CSMD2: variants seen among roughly 807,000 people sequenced by gnomAD.
The protein encoded by CSMD2 is CUB and Sushi multiple domains 2.
Under a neutral mutation model 398.5 loss-of-function variants are expected in CSMD2, and 130 were observed. That is an observed-to-expected ratio of 0.33 (90% CI 0.28 to 0.38). The LOEUF (loss-of-function observed/expected upper bound fraction) is 0.38, where lower values mean the gene tolerates loss of function less well. Ranked by LOEUF, CSMD2 falls within the 10% of genes least tolerant of loss-of-function variation. The pLI is 1.00. For missense variants in CSMD2, 3,829 were observed against 4,764.9 expected (o/e 0.80, Z 5.78); for synonymous variants, 1,828 against 1,908.5 (o/e 0.96, Z 1.10).
chr1:33,556,978 G>A (rs1186797078), intron 55 of CSMD2, among the ~76,000 whole-genome samples: 1 of 152,048 alleles, frequency 6.6e-6, no homozygotes, highest in Non-Finnish European at 1.5e-5. Flanking sequence ...CCCAGTCTTG[G>A]GCAGTTCTTT....
intron 46 of CSMD2, among the ~76,000 whole-genome samples, chr1:33,585,302 A>G (rs978073428): frequency 6.6e-6 from 1 of 152,104 alleles, no homozygotes; most frequent in Non-Finnish European, 1.5e-5. Context: ...CAGGATTACA[A>G]TTTCAGGTAA....
At chr1:33,535,778 T>A (rs1179834069) in intron 62 of CSMD2, among the ~76,000 whole-genome samples, 3 of 152,184 alleles carry the variant, frequency 2.0e-5, no homozygotes, top group African/African-American at 7.2e-5. Flanking sequence ...TCAGCACTCC[T>A]TTGCACCAGC....
chr1:33,933,747 T>C (rs192236440), intron 4 of CSMD2, among the ~76,000 whole-genome samples: 2 of 152,214 alleles, frequency 1.3e-5, no homozygotes, highest in East Asian at 1.9e-4. Context: ...AAGTCCATCA[T>C]GGAAAGAGGC....
At chr1:33,864,186 A>G (rs1639775603) in intron 5 of CSMD2, 1 of 1,588,556 alleles carries the variant, frequency 6.3e-7, no homozygotes, top group African/African-American at 1.4e-5. Flanking sequence ...AGGTGAACTT[A>G]CGAACATGGG....
At chr1:33,994,397 C>T (rs1285766247) in intron 3 of CSMD2, among the ~76,000 whole-genome samples, 1 of 152,036 alleles carries the variant, frequency 6.6e-6, no homozygotes, top group African/African-American at 2.4e-5. Flanking sequence ...GTGACCACTG[C>T]CTCCCACTAG....
chr1:33,936,607 T>TC (rs1353075120), intron 3 of CSMD2, among the ~76,000 whole-genome samples: 1 of 152,164 alleles, frequency 6.6e-6, no homozygotes, highest in Non-Finnish European at 1.5e-5. Flanking sequence ...GCAATCATGG[T>TC]CACCTGCAAG....
intron 49 of CSMD2, 114 bp downstream of exon 49, chr1:33,577,182 T>C (rs1004784538): frequency 8.1e-6 from 8 of 983,438 alleles, no homozygotes; most frequent in African/African-American, 1.6e-5. Flanking sequence ...GTGGAAAGAA[T>C]GAAATAATTA....
intron 49 of CSMD2, among the ~76,000 whole-genome samples, chr1:33,576,083 G>C (rs534454454): frequency 6.6e-5 from 10 of 152,104 alleles, no homozygotes; most frequent in African/African-American, 2.4e-4. Context: ...AATCAGTATC[G>C]ACAGCTGTCA....
intron 10 of CSMD2, among the ~76,000 whole-genome samples, chr1:33,804,172 G>T (rs537071139): frequency 6.6e-6 from 1 of 152,320 alleles, no homozygotes; most frequent in African/African-American, 2.4e-5. Context: ...CTTGTAATGG[G>T]ACAGGCATAC....
chr1:34,082,547 C>T lies in CSMD2; in HGVS notation c.404+6430G>A, dbSNP rs371286311. 8.5e-5 allele frequency among the ~76,000 whole-genome samples: 13 copies of T among 152,338 alleles called. 1 individual carries two copies. In the East Asian group the frequency reaches 1.5e-3, roughly 18 times the overall value. ...TCTGGGGGGTGGGGGGGCCCCTCTG[C>T]CCGTCCACCACCCCGTCTGGGAGGT... On this transcript the variant is annotated intron_variant, in intron 2 of 70. Transcript: ENST00000373381.
intron 5 of CSMD2, chr1:33,870,382 G>A (rs149360708): frequency 1.4e-4 from 22 of 152,266 alleles, no homozygotes; most frequent in African/African-American, 5.3e-4. Flanking sequence ...TCAAGCAGGA[G>A]ATAAAGCTTG....
intron 2 of CSMD2, among the ~76,000 whole-genome samples, chr1:34,059,657 A>G (rs1654240009): frequency 6.6e-6 from 1 of 152,182 alleles, no homozygotes; most frequent in East Asian, 1.9e-4. Flanking sequence ...AACATATTAT[A>G]TGGTCTCCCT....
At chr1:33,840,613 T>G (rs746212078) in intron 6 of CSMD2, among the ~76,000 whole-genome samples, 3 of 152,214 alleles carry the variant, frequency 2.0e-5, no homozygotes, top group Non-Finnish European at 2.9e-5. Context: ...ACGACTGTTA[T>G]AAGAATATGT....
At chr1:33,637,465 C>G (rs952105568) in intron 29 of CSMD2, among the ~76,000 whole-genome samples, 2 of 152,216 alleles carry the variant, frequency 1.3e-5, no homozygotes, top group African/African-American at 4.8e-5. Flanking sequence ...CTTGAGAGTA[C>G]TAGTCCAAGT....
chr1:34,042,143 T>G (rs1341729895), intron 2 of CSMD2, among the ~76,000 whole-genome samples: 1 of 152,220 alleles, frequency 6.6e-6, no homozygotes, highest in East Asian at 1.9e-4. Context: ...ACCCCATTAC[T>G]GGAGTAAATG....
chr1:34,015,940 C>T (rs895621503), intron 3 of CSMD2, among the ~76,000 whole-genome samples: 3 of 151,788 alleles, frequency 2.0e-5, no homozygotes, highest in African/African-American at 7.3e-5. Context: ...GTATGGCCAG[C>T]CACCAGAAGG....
intron 25 of CSMD2, among the ~76,000 whole-genome samples, chr1:33,688,623 G>A (rs1285054027): frequency 3.9e-5 from 6 of 152,132 alleles, no homozygotes; most frequent in African/African-American, 9.7e-5. Context: ...CCAGGAGTTC[G>A]AGACCAGCCT....
intron 25 of CSMD2, among the ~76,000 whole-genome samples, chr1:33,672,676 C>T (rs1196317673): frequency 6.6e-6 from 1 of 152,212 alleles, no homozygotes; most frequent in South Asian, 2.1e-4. Context: ...CAAGTGGGTC[C>T]CTGACCCCCG....
rs1285264164 is a variant in CSMD2 at position 33,833,824 on chromosome 1, A to G, written c.1034-8050T>C. The stretch of plus-strand genomic sequence containing the variant: ...CAGTCTCAGGATACAAAATCAATGT[A>G]CAAAAATCACAAGCATTCTTATACA... On this transcript the variant is annotated intron_variant, in intron 6 of 70. Transcript: ENST00000373381. Among the ~76,000 whole-genome samples, 918 of 152,238 alleles carry G rather than the reference A, an allele frequency of 6.0e-3. 7 individuals carry two copies. Among genetic ancestry groups the G allele is most frequent in the African/African-American group, 0.021 (885 of 41,518 alleles).
Sources: allele counts gnomAD v4.1 joint callset (sites outside exome capture counted in the v4.1 genomes callset), GRCh38; gene constraint gnomAD v4.1.1; transcripts MANE v1.5; gene names NCBI Gene and HGNC (gene_info 2026-07-23, HGNC 2026-07-21).